RIMS2: variants seen among roughly 807,000 people sequenced by gnomAD.
RIMS2 encodes the protein regulating synaptic membrane exocytosis protein 2.
Under a neutral mutation model 174.4 loss-of-function variants are expected in RIMS2, and 59 were observed. That is an observed-to-expected ratio of 0.34 (90% confidence interval 0.27 to 0.42). The LOEUF (loss-of-function observed/expected upper bound fraction) is 0.42, where lower values mean the gene tolerates loss of function less well. RIMS2 is among the 10% of genes least tolerant of loss of function. The pLI is 1.00. For synonymous variants in RIMS2, 606 were observed against 572.5 expected, an observed-to-expected ratio of 1.06 and a Z score of -0.84; for missense variants, 1,620 against 1,666.3, an observed-to-expected ratio of 0.97 and a Z score of 0.48.
intron 4 of RIMS2, among the ~76,000 whole-genome samples, chr8:103,904,311 C>G (rs554582221): frequency 6.6e-6 from 1 of 152,120 alleles, no homozygotes; most frequent in South Asian, 2.1e-4. Flanking sequence ...TATAGATATA[C>G]CACAACTATT....
At chr8:103,995,135 A>C (rs984053125) in intron 17 of RIMS2, among the ~76,000 whole-genome samples, 1 of 152,048 alleles carries the variant, frequency 6.6e-6, no homozygotes, top group African/African-American at 2.4e-5. Flanking sequence ...TGTTTCTAGA[A>C]TGTTCTATAA....
At chr8:104,055,265 T>C (rs1368984569) in intron 19 of RIMS2, among the ~76,000 whole-genome samples, 1 of 152,148 alleles carries the variant, frequency 6.6e-6, no homozygotes, top group East Asian at 1.9e-4. Context: ...ACAAATTTTA[T>C]TTAGTTCATA....
chr8:104,069,617 C>A (rs986405781), intron 19 of RIMS2, among the ~76,000 whole-genome samples: 1 of 151,616 alleles, frequency 6.6e-6, no homozygotes, highest in African/African-American at 2.4e-5. Flanking sequence ...TACAGACATG[C>A]GCCACCATGC....
At chr8:103,865,025 C>A (rs570023572) in intron 3 of RIMS2, among the ~76,000 whole-genome samples, 2 of 152,078 alleles carry the variant, frequency 1.3e-5, no homozygotes, top group South Asian at 4.2e-4. Context: ...CAAATAACAG[C>A]GCTTCCCAAA....
chr8:104,244,974 C>A (rs372897311), exon 20 of RIMS2: 10 of 1,613,554 alleles, frequency 6.2e-6, no homozygotes, highest in Non-Finnish European at 8.5e-6. Context: ...CAGGCCTGGC[C>A]GTGGAAATGA....
intron 4 of RIMS2, among the ~76,000 whole-genome samples, chr8:103,890,183 G>A (rs926615659): frequency 1.3e-5 from 2 of 151,914 alleles, no homozygotes; most frequent in African/African-American, 2.4e-5. Flanking sequence ...TATAATTGTG[G>A]TCATACGGAT....
intron 15 of RIMS2, among the ~76,000 whole-genome samples, chr8:103,970,902 A>T (rs2092794152): frequency 6.6e-6 from 1 of 152,168 alleles, no homozygotes; most frequent in African/African-American, 2.4e-5. Flanking sequence ...GCTTATTCTG[A>T]TACCAAGTCT....
chr8:103,781,314 C>T (rs745858264), intron 3 of RIMS2, among the ~76,000 whole-genome samples: 1 of 152,168 alleles, frequency 6.6e-6, no homozygotes. Flanking sequence ...AGAACTGTCT[C>T]TTCCTCACGT....
intron 1 of RIMS2, among the ~76,000 whole-genome samples, chr8:103,507,152 A>C (rs919938099): frequency 1.3e-5 from 2 of 152,052 alleles, no homozygotes; most frequent in African/African-American, 4.8e-5. Flanking sequence ...CCTCAAATAC[A>C]CTTAAGCTTT....
At chr8:103,885,032 A>T (rs2154519657) in intron 3 of RIMS2, among the ~76,000 whole-genome samples, 1 of 152,056 alleles carries the variant, frequency 6.6e-6, no homozygotes, top group South Asian at 2.1e-4. Context: ...GCTAGTTTAT[A>T]GCAGTGGAAT....
chr8:103,636,803 C>CCCCCG (rs1322508776), intron 1 of RIMS2, among the ~76,000 whole-genome samples: 4 of 74,176 alleles, frequency 5.4e-5, no homozygotes, highest in Admixed American at 1.4e-4. Context: ...CCCCCCCCCA[C>CCCCCG]ACACACACAC....
intron 2 of RIMS2, among the ~76,000 whole-genome samples, chr8:103,736,736 A>C (rs2097690017): frequency 6.6e-6 from 1 of 152,124 alleles, no homozygotes; most frequent in African/African-American, 2.4e-5. Context: ...GACTTTAGGG[A>C]TTCTTGAAAC....
At chr8:104,013,016 T>C (rs1305148516) in intron 17 of RIMS2, among the ~76,000 whole-genome samples, 1 of 152,230 alleles carries the variant, frequency 6.6e-6, no homozygotes, top group Non-Finnish European at 1.5e-5. Context: ...AAAGCCTTTT[T>C]ATATCTTAGT....
At chr8:103,994,116 T>C (rs2094915245) in intron 17 of RIMS2, among the ~76,000 whole-genome samples, 1 of 151,580 alleles carries the variant, frequency 6.6e-6, no homozygotes, top group South Asian at 2.1e-4. Context: ...TTGGAAGCTA[T>C]AGTTTTACTT....
intron 1 of RIMS2, among the ~76,000 whole-genome samples, chr8:103,665,220 A>G (rs1018986563): frequency 1.4e-4 from 22 of 152,244 alleles, no homozygotes; most frequent in African/African-American, 4.8e-4. Flanking sequence ...GCACATGTAT[A>G]TCTGTGTAAC....
rs563996331 is a variant in RIMS2, at chr8:104,200,889, G to A, written c.3335-44027G>A. Among the ~76,000 whole-genome samples, 11 of 152,242 alleles carry A rather than the reference G, an allele frequency of 7.2e-5. No homozygotes were observed. The South Asian group carries it at 2.3e-3, about 32-fold the overall frequency. ...TGATCTTGCCACTGCACTCCTGCTG[G>A]GTGACACAGTGAGACCCTGTCTCAA... is the stretch of plus-strand genomic sequence containing the variant. On this transcript the variant is annotated intron_variant, in intron 19 of 23. Transcript: ENST00000504942.
chr8:103,623,478 G>GTTTTTTT lies in RIMS2; in HGVS notation c.177-73590_177-73584dup, dbSNP rs71575976. On this transcript the variant is annotated intron_variant, in intron 1 of 23. Coordinates refer to ENST00000504942, the Ensembl canonical transcript of RIMS2. ...TAAAAATTAAACTAGGGTTTCTTCA[G>GTTTTTTT]TTTTTTTTTTTTTTTTTTTTTTTTG... Among the ~76,000 whole-genome samples the GTTTTTTT allele has an allele frequency of 9.3e-4, 77 of 83,226 alleles. 4 individuals are homozygous for GTTTTTTT. The highest frequency in any genetic ancestry group is 1.1e-3 in the Admixed American group (6 of 5,642). 54.6% of individuals were successfully genotyped at this position (83,226 alleles called of 152,430 possible).
chr8:104,103,191 A>T (rs578010264), intron 19 of RIMS2, among the ~76,000 whole-genome samples: 1 of 88,884 alleles, frequency 1.1e-5, no homozygotes, highest in Non-Finnish European at 2.3e-5. Context: ...GAAAATCCTT[A>T]AAAAAAAAGT....
chr8:104,180,387 A>G lies in RIMS2; in HGVS notation c.3335-64529A>G, dbSNP rs569544682. On this transcript the variant is annotated intron_variant, in intron 19 of 23. Coordinates refer to ENST00000504942, the Ensembl canonical transcript of RIMS2. ...TTTTTTTTTTTTTTAATCTTTGCCA[A>G]TCTGGTACAAATTTTCATTTTCATT... is the stretch of plus-strand genomic sequence containing the variant. 1.6e-3 allele frequency among the ~76,000 whole-genome samples: 238 copies of G among 150,414 alleles called. 1 individual carries two copies. Among genetic ancestry groups the G allele is most frequent in the African/African-American group, 5.4e-3 (223 of 41,094 alleles).
Sources: gnomAD v4.1 joint callset for allele counts (sites outside exome capture counted in the v4.1 genomes callset) on GRCh38, gnomAD v4.1.1 for gene constraint, MANE v1.5 for transcripts, NCBI Gene and HGNC (gene_info 2026-07-23, HGNC 2026-07-21) for gene names.